The following CFHR5 variants were observed in gnomAD, a reference collection of about 807,000 sequenced individuals.
The protein encoded by CFHR5 is complement factor H related 5, also known as complement factor H-related protein 5.
In CFHR5, 73 loss-of-function variants were observed where a neutral mutation model predicts 62.9. The observed-to-expected ratio is 1.16, with a 90% CI of 0.96 to 1.41. The LOEUF is 1.41. Ranked by LOEUF, CFHR5 falls within the 40% of genes most tolerant of loss-of-function variation. CFHR5 has a pLI of 0.00. For missense variants in CFHR5, 779 were observed against 679.9 expected (o/e 1.15, Z -1.62); for synonymous variants, 249 against 227.2 (o/e 1.10, Z -0.86).
intron 3 of CFHR5, among the ~76,000 whole-genome samples, chr1:196,986,673 C>T (rs1653690762): frequency 6.6e-6 from 1 of 152,072 alleles, no homozygotes; most frequent in African/African-American, 2.4e-5. Context: ...CCAGGTTCAT[C>T]CATGACCCTG....
chr1:196,975,225 A>C (rs140622060), upstream of CFHR5, among the ~76,000 whole-genome samples: 64 of 152,324 alleles, frequency 4.2e-4, 1 homozygote, highest in East Asian at 0.012. Context: ...AGAGGGGTTT[A>C]AGCGTAGTGT....
rs1654239593 is a variant in CFHR5, at chr1:197,004,728, A to G, written c.1398A>G (p.Ser466=). 11 of 1,613,364 alleles carry G rather than the reference A, an allele frequency of 6.8e-6. No individual in the cohort carries two copies. The East Asian group carries it at 2.2e-4, about 33-fold the overall frequency. The change falls in exon 9 of 10, where the codon TCA becomes TCG. Residue 466 remains serine, a synonymous_variant. Coordinates refer to ENST00000256785, the MANE Select transcript of CFHR5 (RefSeq NM_030787.4). ...GAGATACCACCTCATTCCCATTATC[A>G]GTATATCCTCCAGGGTCAACAGTGA... The part of the protein sequence containing the change: ...NNGDTTSFPL[S]VYPPGSTVTY...
intron 9 of CFHR5, among the ~76,000 whole-genome samples, chr1:197,005,981 G>T (rs1249082381): frequency 2.6e-5 from 4 of 152,102 alleles, no homozygotes; most frequent in Non-Finnish European, 5.9e-5. Context: ...GAACAATTTT[G>T]CTAGAATGAA....
chr1:196,986,959 G>C (rs933574859), intron 3 of CFHR5, among the ~76,000 whole-genome samples: 3 of 152,170 alleles, frequency 2.0e-5, no homozygotes, highest in Admixed American at 6.5e-5. Flanking sequence ...CTACCACAAT[G>C]GTTGAACTAG....
chr1:196,994,876 G>T (rs1361162570), intron 4 of CFHR5, among the ~76,000 whole-genome samples: 1 of 152,120 alleles, frequency 6.6e-6, no homozygotes, highest in Admixed American at 6.5e-5. Flanking sequence ...AGAGAAGAGA[G>T]TTTGTGCAGG....
At chr1:197,000,691 T>C (rs1355892258) in intron 7 of CFHR5, among the ~76,000 whole-genome samples, 1 of 152,180 alleles carries the variant, frequency 6.6e-6, no homozygotes, top group Non-Finnish European at 1.5e-5. Flanking sequence ...AGTCCCTAGA[T>C]TGGCAGCACA....
At chr1:196,990,857 C>T (rs1027477316) in intron 3 of CFHR5, among the ~76,000 whole-genome samples, 3 of 151,906 alleles carry the variant, frequency 2.0e-5, no homozygotes, top group Non-Finnish European at 4.4e-5. Context: ...TCCTGCTCTT[C>T]TCGAGGAGTA....
At chr1:196,976,502 G>C (rs1653396641), upstream of CFHR5, among the ~76,000 whole-genome samples, 2 of 152,122 alleles carry the variant, frequency 1.3e-5, no homozygotes, top group African/African-American at 4.8e-5. Context: ...CAACTTCTGA[G>C]CCACGGAATT....
At chr1:196,975,663 T>C (rs958288665), upstream of CFHR5, among the ~76,000 whole-genome samples, 9 of 152,040 alleles carry the variant, frequency 5.9e-5, no homozygotes, top group African/African-American at 1.9e-4. Context: ...AAAGTGAGGA[T>C]TGGTGGTTAA....
At chr1:196,977,938 G>A (rs1653440152) in intron 1 of CFHR5, among the ~76,000 whole-genome samples, 1 of 152,090 alleles carries the variant, frequency 6.6e-6, no homozygotes, top group African/African-American at 2.4e-5. Context: ...AGTTTGCTAA[G>A]GGTAAATGGT....
chr1:197,002,704 G>C (rs116937944), intron 8 of CFHR5, 40 bp downstream of exon 8: 1 of 1,495,996 alleles, frequency 6.7e-7, no homozygotes, highest in East Asian at 2.3e-5. Context: ...TTAAAAAGAG[G>C]TTATTAATCC....
At chr1:197,006,381 T>C (rs1010632126) in intron 9 of CFHR5, among the ~76,000 whole-genome samples, 1 of 150,138 alleles carries the variant, frequency 6.7e-6, no homozygotes, top group Non-Finnish European at 1.5e-5. Context: ...TTATTTCCCA[T>C]GAGATAGGAG....
At chr1:196,988,285 T>G (rs1324910909) in intron 3 of CFHR5, among the ~76,000 whole-genome samples, 1 of 152,104 alleles carries the variant, frequency 6.6e-6, no homozygotes, top group Non-Finnish European at 1.5e-5. Flanking sequence ...ACGATGGGGT[T>G]TTCTAAATAT....
At position 196,994,114 on chromosome 1, in the gene CFHR5, T is replaced by C. The variant is rs139260377; in HGVS notation, c.465T>C (p.Asn155=). Residue 155 remains asparagine, a synonymous_variant, in exon 4 of 10, where the codon AAT becomes AAC. Transcript: ENST00000256785. ...GTCATGTTCCAATTTTAGAAGCCAA[T>C]GTAGATGCTCAGCCAAAAAAAGAAA... The part of the protein sequence containing the change: ...GECHVPILEA[N]VDAQPKKESY... 880 of 1,613,442 alleles carry C rather than the reference T, an allele frequency of 5.5e-4. 1 individual carries two copies. The highest frequency in any genetic ancestry group is 1.8e-3 in the Middle Eastern group (11 of 6,040).
In CFHR5 at chr1:196,996,153, A is replaced by G. The variant is rs1558287665; in HGVS notation, c.922A>G (p.Met308Val). 2.5e-6 allele frequency: 4 copies of G among 1,613,422 alleles called. No homozygotes were observed. Among genetic ancestry groups the G allele is most frequent in the Non-Finnish European group, 3.4e-6 (4 of 1,179,422 alleles). ...TGAATATGCAATGATTGGAAATAAC[A>G]TGATTACCTGTATTAATGGAATATG... ...RNEYAMIGNN[M>V]ITCINGIWTE... is the part of the protein sequence containing the mutation. The change falls in exon 6 of 10, where the codon ATG becomes GTG. Residue 308 changes from methionine (M) to valine (V), a missense_variant. Met to Val is a conservative substitution (Grantham distance 21). Coordinates refer to ENST00000256785, the MANE Select transcript of CFHR5 (RefSeq NM_030787.4).
upstream of CFHR5, among the ~76,000 whole-genome samples, chr1:196,976,406 T>C (rs770296208): frequency 1.9e-4 from 29 of 152,172 alleles, no homozygotes; most frequent in Non-Finnish European, 4.0e-4. Flanking sequence ...TCCTCGGGCA[T>C]GGACCTTTCC....
At chr1:196,986,983 C>T (rs566104662) in intron 3 of CFHR5, among the ~76,000 whole-genome samples, 23 of 152,316 alleles carry the variant, frequency 1.5e-4, no homozygotes, top group Admixed American at 5.9e-4. Flanking sequence ...ACACTCCCAA[C>T]AACAGTGTAA....
In CFHR5 at chr1:196,995,855, T is replaced by C. The variant is rs976866233; in HGVS notation, c.746T>C (p.Ile249Thr). ...TTTATAATAAACGGGCCTAAGAAAA[T>C]ACAATGTGTGGATGGAGAATGGACA... ...PNFIINGPKK[I>T]QCVDGEWTTL... Residue 249 changes from isoleucine to threonine, a missense_variant, in exon 5 of 10, where the codon ATA becomes ACA. By Grantham distance (89) the Ile-to-Thr change is moderately conservative. Transcript: ENST00000256785. The C allele has an allele frequency of 6.2e-6, 10 of 1,613,272 alleles. No individual in the cohort carries two copies. Among genetic ancestry groups the C allele is most frequent in the Non-Finnish European group, 8.5e-6 (10 of 1,179,512 alleles).
At chr1:196,976,178 C>T (rs749131827), upstream of CFHR5, among the ~76,000 whole-genome samples, 1 of 152,172 alleles carries the variant, frequency 6.6e-6, no homozygotes, top group Non-Finnish European at 1.5e-5. Context: ...ACAGGGACTT[C>T]TCTGGTTTCT....
Sources: allele counts gnomAD v4.1 joint callset (sites outside exome capture counted in the v4.1 genomes callset), GRCh38; gene constraint gnomAD v4.1.1; transcripts MANE v1.5; gene names NCBI Gene and HGNC (gene_info 2026-07-23, HGNC 2026-07-21).